GPC6: variants seen among roughly 807,000 people sequenced by gnomAD.
GPC6 encodes glypican-6.
In GPC6, 14 loss-of-function variants were observed where a neutral mutation model predicts 55.2. That is an observed-to-expected ratio of 0.25 (90% CI 0.17 to 0.40). GPC6 has a LOEUF of 0.40. Ranked by LOEUF, GPC6 falls within the 10% of genes least tolerant of loss-of-function variation. The pLI is 1.00. For synonymous variants in GPC6, 278 were observed against 259.6 expected, an observed-to-expected ratio of 1.07 and a Z score of -0.68; for missense variants, 641 against 708.5, an observed-to-expected ratio of 0.90 and a Z score of 1.08.
intron 2 of GPC6, among the ~76,000 whole-genome samples, chr13:93,722,751 C>G (rs970208302): frequency 6.6e-6 from 1 of 151,896 alleles, no homozygotes; most frequent in Non-Finnish European, 1.5e-5. Flanking sequence ...CAGGGCCAGG[C>G]TCTCTCTAAA....
At chr13:93,938,053 A>T (rs1222863380) in intron 3 of GPC6, among the ~76,000 whole-genome samples, 1 of 149,330 alleles carries the variant, frequency 6.7e-6, no homozygotes, top group Non-Finnish European at 1.5e-5. Context: ...TTGACCAAAA[A>T]TATCTCTTAT....
At chr13:94,275,340 TGA>T (rs1892169673) in intron 4 of GPC6, among the ~76,000 whole-genome samples, 1 of 152,148 alleles carries the variant, frequency 6.6e-6, no homozygotes, top group Non-Finnish European at 1.5e-5. Flanking sequence ...AAAGCTTTTC[TGA>T]GACAGGGCAT....
chr13:93,387,133 C>CTTTTTT (rs11406368), intron 1 of GPC6, among the ~76,000 whole-genome samples: 1 of 145,848 alleles, frequency 6.9e-6, no homozygotes, highest in Non-Finnish European at 1.5e-5. Flanking sequence ...TGGTTTCTTT[C>CTTTTTT]TTTTTTTTTT....
At chr13:93,995,485 A>G (rs760442329) in intron 3 of GPC6, among the ~76,000 whole-genome samples, 2 of 152,078 alleles carry the variant, frequency 1.3e-5, no homozygotes, top group Non-Finnish European at 2.9e-5. Context: ...ACCGCACCCA[A>G]CCACAACTAT....
chr13:93,531,313 G>C (rs1881857130), intron 1 of GPC6, among the ~76,000 whole-genome samples: 1 of 151,638 alleles, frequency 6.6e-6, no homozygotes, highest in Non-Finnish European at 1.5e-5. Context: ...GGGAGAAAAG[G>C]CTTTATTTTA....
chr13:93,274,482 T>C (rs559166581), intron 1 of GPC6, among the ~76,000 whole-genome samples: 2 of 152,338 alleles, frequency 1.3e-5, no homozygotes, highest in Admixed American at 6.5e-5. Context: ...CTTTGCCACA[T>C]AGAGATTTCA....
intron 2 of GPC6, among the ~76,000 whole-genome samples, chr13:93,823,310 A>G (rs1456851429): frequency 6.6e-6 from 1 of 152,122 alleles, no homozygotes; most frequent in East Asian, 1.9e-4. Flanking sequence ...TTGACTTAGG[A>G]TAGACTACAA....
chr13:94,012,224 C>T (rs1480631070), intron 3 of GPC6, among the ~76,000 whole-genome samples: 1 of 152,202 alleles, frequency 6.6e-6, no homozygotes, highest in Admixed American at 6.5e-5. Flanking sequence ...CATTACCAAA[C>T]TAGTGTATAA....
intron 2 of GPC6, among the ~76,000 whole-genome samples, chr13:93,624,354 G>C (rs1330849401): frequency 6.6e-6 from 1 of 152,150 alleles, no homozygotes; most frequent in African/African-American, 2.4e-5. Flanking sequence ...AAAGACATTT[G>C]AAACACTGTG....
At chr13:93,232,003 T>C (rs1160709) in intron 1 of GPC6, among the ~76,000 whole-genome samples, 86,548 of 151,954 alleles carry the variant, frequency 0.57, 25,269 homozygotes, top group African/African-American at 0.67. Flanking sequence ...TTTTCACTGA[T>C]CTTTGCCCAG....
intron 3 of GPC6, among the ~76,000 whole-genome samples, chr13:93,885,221 G>A (rs1481106766): frequency 6.6e-6 from 1 of 151,182 alleles, no homozygotes; most frequent in Non-Finnish European, 1.5e-5. Flanking sequence ...TGAAAACTTG[G>A]ATACCCTTTG....
At chr13:93,812,142 T>TGGG (rs35966772) in intron 2 of GPC6, among the ~76,000 whole-genome samples, 1 of 73,782 alleles carries the variant, frequency 1.4e-5, no homozygotes. Context: ...TGCAAGGCGG[T>TGGG]GGGGGGGGGG....
Position 93,519,823 on chromosome 13 carries a change from T to A in GPC6, c.161-25440T>A, listed in dbSNP as rs145748104. Reference sequence around the variant, plus strand: ...AGTTACTCTATATTCTTTGACTCTGTATTCTTTGTGAAACAGAAAATGTGA... The same window carrying A: ...AGTTACTCTATATTCTTTGACTCTGAATTCTTTGTGAAACAGAAAATGTGA... On this transcript the variant is annotated intron_variant, in intron 1 of 8. Transcript: ENST00000377047. Among the ~76,000 whole-genome samples the A allele has an allele frequency of 6.3e-3, 954 of 152,124 alleles. 8 individuals carry two copies. The highest frequency in any genetic ancestry group is 0.022 in the African/African-American group (895 of 41,536).
intron 6 of GPC6, among the ~76,000 whole-genome samples, chr13:94,317,854 T>A (rs1264563257): frequency 6.6e-6 from 1 of 151,794 alleles, no homozygotes. Context: ...AGTGTGAGAG[T>A]GTGTGTGTGC....
chr13:94,030,266 C>G (rs1399360196), intron 4 of GPC6, among the ~76,000 whole-genome samples: 1 of 152,110 alleles, frequency 6.6e-6, no homozygotes, highest in Non-Finnish European at 1.5e-5. Context: ...GCCTCGGCCT[C>G]CCAAAGTGCT....
intron 3 of GPC6, among the ~76,000 whole-genome samples, chr13:93,959,897 G>A (rs1449471588): frequency 6.6e-6 from 1 of 152,128 alleles, no homozygotes; most frequent in Non-Finnish European, 1.5e-5. Context: ...GTCAAAGCTG[G>A]GGTTTAATTC....
chr13:94,221,862 T>G (rs1384888174), intron 4 of GPC6, among the ~76,000 whole-genome samples: 1 of 152,094 alleles, frequency 6.6e-6, no homozygotes, highest in Admixed American at 6.6e-5. Context: ...GATTAAAAAC[T>G]TGCTCATTTG....
chr13:94,232,110 G>A (rs1476293923), intron 4 of GPC6, among the ~76,000 whole-genome samples: 2 of 152,188 alleles, frequency 1.3e-5, no homozygotes, highest in Non-Finnish European at 2.9e-5. Context: ...CTCTGTTGCA[G>A]ACATGTTTCT....
intron 4 of GPC6, among the ~76,000 whole-genome samples, chr13:94,044,554 AT>A (rs1440840018): frequency 6.6e-6 from 1 of 151,870 alleles, no homozygotes; most frequent in Non-Finnish European, 1.5e-5. Flanking sequence ...TGTTTCCAAT[AT>A]TTTGCTATAA....
Sources: allele counts gnomAD v4.1 joint callset (sites outside exome capture counted in the v4.1 genomes callset), GRCh38; gene constraint gnomAD v4.1.1; transcripts MANE v1.5; gene names NCBI Gene and HGNC (gene_info 2026-07-23, HGNC 2026-07-21).